The following MX1 variants were observed in gnomAD, a reference collection of about 807,000 sequenced individuals.
The protein encoded by MX1 is MX dynamin like GTPase 1, also known as interferon-induced GTP-binding protein Mx1.
Under a neutral mutation model 66.4 loss-of-function variants are expected in MX1, and 66 were observed. The ratio of observed to expected loss-of-function variants is 0.99; its 90% CI spans 0.82 to 1.22. The LOEUF (loss-of-function observed/expected upper bound fraction) is 1.22, where lower values mean the gene tolerates loss of function less well. Ranked by LOEUF, MX1 falls within the 50% of genes most tolerant of loss-of-function variation. The probability of loss-of-function intolerance (pLI) is 0.00; values close to 1 mark genes in which losing one functional copy is unlikely to be tolerated. For missense variants in MX1, 787 were observed against 834.3 expected (o/e 0.94, Z 0.70); for synonymous variants, 311 against 318.1 (o/e 0.98, Z 0.24).
At chr21:41,442,964 G>C (rs993798803) in intron 10 of MX1, among the ~76,000 whole-genome samples, 2 of 152,188 alleles carry the variant, frequency 1.3e-5, no homozygotes, top group African/African-American at 4.8e-5. Context: ...AGAGAGAATG[G>C]GCAGGTAGTG....
At chr21:41,450,529 A>G (rs534441768) in intron 14 of MX1, among the ~76,000 whole-genome samples, 94 of 152,312 alleles carry the variant, frequency 6.2e-4, no homozygotes, top group African/African-American at 2.2e-3. Context: ...AAAACCTGCA[A>G]TCATGTTGTT....
chr21:41,458,701 G>GC lies in MX1; in HGVS notation c.1932_1933insC (p.Glu645ArgfsTer27). The GC allele has an allele frequency of 6.2e-7, 1 of 1,614,156 alleles. No homozygotes were observed. The highest frequency in any genetic ancestry group is 2.2e-5 in the East Asian group (1 of 44,878). On this transcript the variant is annotated frameshift_variant, in exon 17 of 17. Coordinates refer to ENST00000398598, the MANE Select transcript of MX1 (RefSeq NM_002462.5). LOFTEE classifies it low-confidence loss of function (END_TRUNC). The stretch of plus-strand genomic sequence containing the variant: ...CCAGCGACAAGCGGAAGTTCCTGAA[G>GC]GAGCGGCTTGCACGGCTGACGCAGG...
intron 16 of MX1, among the ~76,000 whole-genome samples, chr21:41,457,201 C>A (rs1717590172): frequency 6.6e-6 from 1 of 152,156 alleles, no homozygotes; most frequent in African/African-American, 2.4e-5. Flanking sequence ...AACAGTTCAT[C>A]CAGGAAGAGC....
chr21:41,434,798 A>G (rs1286218555), intron 5 of MX1, among the ~76,000 whole-genome samples: 1 of 152,216 alleles, frequency 6.6e-6, no homozygotes, highest in Non-Finnish European at 1.5e-5. Flanking sequence ...ATGTTCAAAC[A>G]TTCAATTATC....
chr21:41,421,640 C>T (rs2089995081), upstream of MX1, among the ~76,000 whole-genome samples: 1 of 152,208 alleles, frequency 6.6e-6, no homozygotes, highest in African/African-American at 2.4e-5. Context: ...GCACATCTTG[C>T]ACCGCCCTTA....
Position 41,445,568 on chromosome 21 carries a change from G to A in MX1, c.1129G>A (p.Asp377Asn). 1.2e-6 allele frequency: 2 copies of A among 1,614,182 alleles called. No individual in the cohort carries two copies. The highest frequency in any genetic ancestry group is 1.7e-6 in the Non-Finnish European group (2 of 1,180,034). The change falls in exon 12 of 17, where the codon GAT (aspartate) becomes AAT (asparagine). Residue 377 changes from aspartate (D) to asparagine (N), a missense_variant and splice_region_variant. Physicochemically the swap from Asp to Asn is conservative, Grantham distance 23 (BLOSUM62 1). Coordinates refer to ENST00000398598, the MANE Select transcript of MX1 (RefSeq NM_002462.5). Reference protein sequence around the residue: ...DENEKMFFLIDKVNAFNQDIT... With the variant: ...DENEKMFFLINKVNAFNQDIT... ...AAATGAAAAAATGTTCTTCCTGATA[G>A]ATGTGAGTGTTGCCAGCTGCATGGA...
Position 41,435,863 on chromosome 21 carries a change from G to T in MX1, c.132G>T (p.Gln44His). The change falls in exon 6 of 17, where the codon CAG (glutamine) becomes CAT (histidine). Residue 44 changes from glutamine (Q) to histidine (H), a missense_variant. Gln to His is a conservative substitution (Grantham distance 24). Transcript: ENST00000398598. ...TGGCTGAGAACAACCTGTGCAGCCA[G>T]TATGAGGAGAAGGTGCGCCCCTGCA... is the stretch of plus-strand genomic sequence containing the variant. ...GSVAENNLCSQYEEKVRPCID... is the reference protein window; with the variant it reads ...GSVAENNLCSHYEEKVRPCID... 2 of 1,612,602 alleles carry T rather than the reference G, an allele frequency of 1.2e-6. No homozygotes were observed. The highest frequency in any genetic ancestry group is 1.7e-6 in the Non-Finnish European group (2 of 1,178,702).
At chr21:41,448,976 G>A (rs1375587166) in intron 13 of MX1, among the ~76,000 whole-genome samples, 161 bp from the exon 14 acceptor site, 7 of 116,910 alleles carry the variant, frequency 6.0e-5, no homozygotes, top group Non-Finnish European at 9.1e-5. Context: ...GTGTGTGTGT[G>A]TGTAATCCCT....
In MX1 at chr21:41,440,889, C is replaced by G; in HGVS notation, c.594C>G (p.Ile198Met). 6.2e-7 allele frequency: 1 copy of G among 1,614,152 alleles called. No individual in the cohort carries two copies. The highest frequency in any genetic ancestry group is 8.5e-7 in the Non-Finnish European group (1 of 1,180,016). ...CACCTCCTCTCATTTCCTTACAGAT[C>G]AAGACACTCATCAAGAAGTACATCC... ...GNQPADIGYK[I>M]KTLIKKYIQR... is the part of the protein sequence containing the mutation. The change falls in exon 9 of 17, where the codon ATC (isoleucine) becomes ATG (methionine). Residue 198 changes from isoleucine to methionine, a missense_variant and splice_region_variant. Physicochemically the swap from Ile to Met is conservative, Grantham distance 10. Coordinates refer to ENST00000398598, the MANE Select transcript of MX1 (RefSeq NM_002462.5).
chr21:41,446,362 G>C (rs1032991351), intron 13 of MX1, among the ~76,000 whole-genome samples: 1 of 152,132 alleles, frequency 6.6e-6, no homozygotes, highest in Non-Finnish European at 1.5e-5. Context: ...AGCTTCCTCG[G>C]ACCTCTTTTT....
chr21:41,445,693 C>T lies in MX1; in HGVS notation c.1131+123C>T, dbSNP rs1027213175. ...TGATCCAAAGACATCTGGCCCGTAG[C>T]ACTCAAAGGGTGGACAGGGCTGAGG... On this transcript the variant is annotated intron_variant, in intron 12 of 16. Coordinates refer to ENST00000398598, the MANE Select transcript of MX1 (RefSeq NM_002462.5). 9.5e-6 allele frequency: 13 copies of T among 1,362,488 alleles called. No individual in the cohort carries two copies. In the East Asian group the frequency reaches 2.8e-4, roughly 30 times the overall value. The allele number at this position is 1,362,488 out of a possible 1,614,324, so 84.4% of individuals were successfully genotyped here.
At chr21:41,434,482 G>T (rs363981) in intron 5 of MX1, among the ~76,000 whole-genome samples, 54,295 of 151,964 alleles carry the variant, frequency 0.36, 11,839 homozygotes, top group Non-Finnish European at 0.51. Flanking sequence ...ATATCATCTT[G>T]CTATTTGTTT....
rs1249624626 is a variant in MX1, at chr21:41,458,986, T to C, written c.*228T>C. On this transcript the variant is annotated 3_prime_UTR_variant, in exon 17 of 17. Transcript: ENST00000398598. ...ATGAGCTGGCGGGATTGAAGGATGC[T>C]GTCTTCGTACTGGGAAAGGGATTTT... 2.8e-6 allele frequency: 2 copies of C among 717,626 alleles called. No individual in the cohort carries two copies. The highest frequency in any genetic ancestry group is 4.4e-6 in the Non-Finnish European group (2 of 453,266). 44.5% of individuals were successfully genotyped at this position (717,626 alleles called of 1,614,324 possible).
intron 4 of MX1, 199 bp from the exon 5 acceptor site, chr21:41,431,851 C>CGAAA (rs2090222161): frequency 1.9e-6 from 1 of 522,426 alleles, no homozygotes; most frequent in Non-Finnish European, 3.4e-6. Context: ...TTGGGTCACT[C>CGAAA]TGTTTCTCTT....
Position 41,458,957 on chromosome 21 carries a change from G to A in MX1, c.*199G>A. The A allele has an allele frequency of 1.1e-6, 1 of 919,680 alleles. No homozygotes were observed. The highest frequency in any genetic ancestry group is 1.6e-6 in the Non-Finnish European group (1 of 632,908). 57.0% of individuals were successfully genotyped at this position (919,680 alleles called of 1,614,324 possible). A position where few individuals can be genotyped will look rare whatever the true frequency, so the allele number is the denominator to read the frequency against. The stretch of plus-strand genomic sequence containing the variant: ...TGAAGACAGAGCCCCACCCTCAGAT[G>A]CACATGAGCTGGCGGGATTGAAGGA... On this transcript the variant is annotated 3_prime_UTR_variant, in exon 17 of 17. Transcript: ENST00000398598.
rs2090514927 is a variant in MX1, at chr21:41,441,628, C to A, written c.731-88C>A. Reference sequence around the variant, plus strand: ...TCCTCAAGCAAGGATGGGAGGAAACCCTGGGAGGCCGGGGGCGTGAGCAGT... The same window carrying A: ...TCCTCAAGCAAGGATGGGAGGAAACACTGGGAGGCCGGGGGCGTGAGCAGT... On this transcript the variant is annotated intron_variant, in intron 9 of 16. Coordinates refer to ENST00000398598, the MANE Select transcript of MX1 (RefSeq NM_002462.5). This position sits in a 1 kb window ranked among gnomAD's most constrained non-coding sequence, Gnocchi z 4.0. 5 of 1,400,506 alleles carry A rather than the reference C, an allele frequency of 3.6e-6. No individual in the cohort carries two copies. Among genetic ancestry groups the A allele is most frequent in the Non-Finnish European group, 5.0e-6 (5 of 990,388 alleles). The allele number at this position is 1,400,506 out of a possible 1,614,324, so 86.8% of individuals were successfully genotyped here.
At chr21:41,425,788 C>G (rs113908288), upstream of MX1, among the ~76,000 whole-genome samples, 1 of 151,974 alleles carries the variant, frequency 6.6e-6, no homozygotes, top group Non-Finnish European at 1.5e-5. Flanking sequence ...GGACGGAGTT[C>G]GGGACAAGAG....
At chr21:41,445,276 C>T (rs1427730299) in intron 11 of MX1, among the ~76,000 whole-genome samples, 172 bp from the exon 12 acceptor site, 1 of 152,112 alleles carries the variant, frequency 6.6e-6, no homozygotes, top group Non-Finnish European at 1.5e-5. Flanking sequence ...AAAACAGTGC[C>T]CCCAGTGTGT....
In MX1 at chr21:41,452,692, G is replaced by T; in HGVS notation, c.1581G>T (p.Met527Ile). Residue 527 changes from methionine to isoleucine, a missense_variant, in exon 16 of 17, where the codon ATG (methionine) becomes ATT (isoleucine). By Grantham distance (10) the Met-to-Ile change is conservative (BLOSUM62 1). Transcript: ENST00000398598. ...GEKLIRLHFQ[M>I]EQIVYCQDQV... The stretch of plus-strand genomic sequence containing the variant: ...AGCTGATCCGCCTCCACTTCCAGAT[G>T]GAACAGATTGTCTACTGCCAGGACC... 6.2e-7 allele frequency: 1 copy of T among 1,614,206 alleles called. No homozygotes were observed.
Sources: allele counts gnomAD v4.1 joint callset (sites outside exome capture counted in the v4.1 genomes callset), GRCh38; gene constraint gnomAD v4.1.1; non-coding constraint Gnocchi (gnomAD v3.1); transcripts MANE v1.5; gene names NCBI Gene and HGNC (gene_info 2026-07-23, HGNC 2026-07-21).